SPAG17: variants seen among roughly 807,000 people sequenced by gnomAD.
SPAG17 encodes the protein sperm-associated antigen 17.
A neutral mutation model predicts 273.6 loss-of-function variants in SPAG17; 169 were observed. The observed-to-expected ratio is 0.62, with a 90% confidence interval of 0.55 to 0.70. The LOEUF (loss-of-function observed/expected upper bound fraction) is 0.70, where lower values mean the gene tolerates loss of function less well. Ranked by LOEUF, SPAG17 falls within the 30% of genes least tolerant of loss-of-function variation. The pLI is 0.00. For missense variants in SPAG17, 2,557 were observed against 2,627.8 expected (o/e 0.97, Z 0.59); for synonymous variants, 825 against 873.2 (o/e 0.94, Z 0.97).
At chr1:117,986,340 T>C (rs1656401750) in intron 40 of SPAG17, among the ~76,000 whole-genome samples, 1 of 152,190 alleles carries the variant, frequency 6.6e-6, no homozygotes, top group Non-Finnish European at 1.5e-5. Context: ...AATTCCTTTT[T>C]TCATTCCCAT....
intron 6 of SPAG17, 90 bp downstream of exon 6, chr1:118,099,516 G>A: frequency 1.7e-6 from 2 of 1,175,190 alleles, no homozygotes. Context: ...CTAATTGTAA[G>A]ACTATGTTTT....
intron 4 of SPAG17, among the ~76,000 whole-genome samples, chr1:118,104,690 T>G (rs1268112253): frequency 1.3e-5 from 2 of 152,126 alleles, no homozygotes; most frequent in Non-Finnish European, 2.9e-5. Flanking sequence ...AGTGTGAAGC[T>G]AGAGAACTAA....
chr1:117,957,696 T>G (rs1652419244), intron 48 of SPAG17, among the ~76,000 whole-genome samples: 1 of 152,232 alleles, frequency 6.6e-6, no homozygotes, highest in South Asian at 2.1e-4. Flanking sequence ...TTTTTGTGAT[T>G]TCTTTGTTGT....
intron 25 of SPAG17, among the ~76,000 whole-genome samples, chr1:118,029,405 A>G (rs562798435): frequency 7.2e-5 from 11 of 152,180 alleles, no homozygotes; most frequent in Non-Finnish European, 1.6e-4. Context: ...AAACTAATAC[A>G]GAAAAAGTGT....
chr1:118,044,337 T>C (rs1650106626), intron 20 of SPAG17, among the ~76,000 whole-genome samples: 2 of 151,868 alleles, frequency 1.3e-5, no homozygotes, highest in South Asian at 4.2e-4. Context: ...ATACAAAAAT[T>C]AGCTGGGTGT....
intron 18 of SPAG17, among the ~76,000 whole-genome samples, chr1:118,062,366 C>CAA (rs56029752): frequency 3.5e-4 from 16 of 46,344 alleles, no homozygotes; most frequent in South Asian, 9.4e-4. Context: ...GACTCCATCT[C>CAA]AAAAAAAAAA....
rs571579170 is a variant in SPAG17 at position 118,115,605 on chromosome 1, T to A, written c.316-164A>T. On this transcript the variant is annotated intron_variant, in intron 3 of 48. Coordinates refer to ENST00000336338, the MANE Select transcript of SPAG17 (RefSeq NM_206996.4). Reference sequence around the variant, plus strand: ...GTTAGGGAAAAAAATGCCTCAATGCTACAGAGAGGGGCATTTACCCTCTAC... The same window carrying A: ...GTTAGGGAAAAAAATGCCTCAATGCAACAGAGAGGGGCATTTACCCTCTAC... Among the ~76,000 whole-genome samples, 44 of 152,278 alleles carry A rather than the reference T, an allele frequency of 2.9e-4. No individual in the cohort carries two copies. In the South Asian group the frequency reaches 9.1e-3, roughly 32 times the overall value.
intron 13 of SPAG17, 146 bp from the exon 14 acceptor site, chr1:118,081,788 C>G: frequency 1.5e-6 from 1 of 654,468 alleles, no homozygotes; most frequent in East Asian, 2.7e-5. Flanking sequence ...TAAACATTGG[C>G]TCCCCAGTCT....
intron 15 of SPAG17, among the ~76,000 whole-genome samples, chr1:118,078,117 C>T (rs1654250957): frequency 6.6e-6 from 1 of 152,096 alleles, no homozygotes; most frequent in Non-Finnish European, 1.5e-5. Context: ...TTTCTTCCCT[C>T]TTCCATTCAC....
chr1:117,986,572 G>C (rs10923455), intron 40 of SPAG17, among the ~76,000 whole-genome samples: 1 of 152,044 alleles, frequency 6.6e-6, no homozygotes, highest in Non-Finnish European at 1.5e-5. Context: ...AATTTAAAAA[G>C]TTTGTATAGA....
At chr1:117,954,705 A>G (rs1651909832) in intron 48 of SPAG17, 1 of 1,416,092 alleles carries the variant, frequency 7.1e-7, no homozygotes. Flanking sequence ...TAGAGGCATT[A>G]TGATTTGGGG....
intron 1 of SPAG17, among the ~76,000 whole-genome samples, chr1:118,166,457 A>T (rs915265053): frequency 6.6e-6 from 1 of 152,236 alleles, no homozygotes; most frequent in African/African-American, 2.4e-5. Flanking sequence ...GATCCCTGGA[A>T]ATCATCCATA....
chr1:118,145,932 C>T (rs1245372470), intron 3 of SPAG17, among the ~76,000 whole-genome samples: 1 of 151,892 alleles, frequency 6.6e-6, no homozygotes, highest in Non-Finnish European at 1.5e-5. Flanking sequence ...TGACCTAATG[C>T]GTCTTTTATA....
chr1:118,009,700 A>G (rs1659274677), intron 30 of SPAG17, among the ~76,000 whole-genome samples: 2 of 152,124 alleles, frequency 1.3e-5, no homozygotes, highest in Admixed American at 1.3e-4. Context: ...GACTATTACT[A>G]ACCATCAGCT....
chr1:118,102,788 G>A (rs1407319307), intron 4 of SPAG17, among the ~76,000 whole-genome samples: 1 of 152,212 alleles, frequency 6.6e-6, no homozygotes, highest in African/African-American at 2.4e-5. Flanking sequence ...GAAATGTTGT[G>A]GCAGTACTGA....
intron 27 of SPAG17, 68 bp from the exon 28 acceptor site, chr1:118,023,531 G>A: frequency 6.8e-7 from 1 of 1,475,076 alleles, no homozygotes; most frequent in East Asian, 2.3e-5. Context: ...AATAAACGCT[G>A]TGTGTCAAAT....
intron 8 of SPAG17, among the ~76,000 whole-genome samples, chr1:118,092,910 T>C (rs1470155254): frequency 2.0e-5 from 3 of 152,220 alleles, no homozygotes; most frequent in Admixed American, 2.0e-4. Context: ...GTCAATATCT[T>C]TCCTGTCACA....
intron 37 of SPAG17, 126 bp downstream of exon 37, chr1:117,991,289 A>G: frequency 1.9e-6 from 1 of 539,434 alleles, no homozygotes; most frequent in Non-Finnish European, 3.1e-6. Context: ...AAAAATTGAA[A>G]ATTATGAGGA....
Position 118,028,346 on chromosome 1 carries a change from G to C in SPAG17, c.3658C>G (p.Pro1220Ala). The C allele has an allele frequency of 6.2e-7, 1 of 1,613,796 alleles. No individual in the cohort carries two copies. The highest frequency in any genetic ancestry group is 2.2e-5 in the East Asian group (1 of 44,876). The change falls in exon 26 of 49, where the codon CCC (proline) becomes GCC (alanine). Residue 1220 changes from proline to alanine, a missense_variant. Pro to Ala is a conservative substitution (Grantham distance 27, BLOSUM62 -1). Coordinates refer to ENST00000336338, the MANE Select transcript of SPAG17 (RefSeq NM_206996.4). ...GACACATTTAGGCTCTGGAAGGTGGGAACATCCAAAGTCTCTTGTAAAACA... is the reference window on the plus strand; with the variant it reads ...GACACATTTAGGCTCTGGAAGGTGGCAACATCCAAAGTCTCTTGTAAAACA... ...EPVLQETLDV[P>A]TFQSLNVSCP...
Sources: gnomAD v4.1 joint callset for allele counts (sites outside exome capture counted in the v4.1 genomes callset) on GRCh38, gnomAD v4.1.1 for gene constraint, MANE v1.5 for transcripts, NCBI Gene and HGNC (gene_info 2026-07-23, HGNC 2026-07-21) for gene names.